MEGF8: variants seen among roughly 807,000 people sequenced by gnomAD.
The protein encoded by MEGF8 is multiple EGF like domains 8.
A neutral mutation model predicts 302.9 loss-of-function variants in MEGF8; 156 were observed. The ratio of observed to expected loss-of-function variants is 0.52; its 90% confidence interval spans 0.45 to 0.59. The LOEUF (loss-of-function observed/expected upper bound fraction) is 0.59, where lower values mean the gene tolerates loss of function less well. MEGF8 is among the 20% of genes least tolerant of loss of function. The pLI, the probability that MEGF8 is intolerant of heterozygous loss-of-function variation, is 0.00. For synonymous variants in MEGF8, 1,621 were observed against 1,660.5 expected, an observed-to-expected ratio of 0.98 and a Z score of 0.58; for missense variants, 3,345 against 3,964.5, an observed-to-expected ratio of 0.84 and a Z score of 4.20.
At chr19:42,355,559 G>C (rs1019987369) in intron 23 of MEGF8, among the ~76,000 whole-genome samples, 199 bp from the exon 24 acceptor site, 1 of 152,096 alleles carries the variant, frequency 6.6e-6, no homozygotes. Context: ...GCTAGCAGTC[G>C]GTGAGAGATT....
intron 32 of MEGF8, among the ~76,000 whole-genome samples, chr19:42,361,259 A>C (rs2039528125): frequency 6.6e-6 from 1 of 152,164 alleles, no homozygotes; most frequent in Non-Finnish European, 1.5e-5. Flanking sequence ...TGAGACCATC[A>C]GTGATTCAGA....
chr19:42,333,497 C>A, intron 1 of MEGF8, 108 bp from the exon 2 acceptor site: 1 of 1,257,174 alleles, frequency 8.0e-7, no homozygotes, highest in Non-Finnish European at 1.1e-6. Flanking sequence ...ATTCTTGAGC[C>A]CCCAGCATCA....
chr19:42,341,429 C>CAAAAAA (rs35096733), intron 8 of MEGF8, among the ~76,000 whole-genome samples: 1 of 56,988 alleles, frequency 1.8e-5, no homozygotes, highest in Non-Finnish European at 3.9e-5. Context: ...ACTCCATCTC[C>CAAAAAA]AAAAAAAAAA....
chr19:42,339,808 C>G lies in MEGF8; in HGVS notation c.1513+2602C>G, dbSNP rs570697820. On this transcript the variant is annotated intron_variant, in intron 8 of 41. Transcript: ENST00000251268. ...GTGCAGTGGCTCACACCTGTAATCC[C>G]AGCACTTTAGGACGCCATGGCGGGC... is the stretch of plus-strand genomic sequence containing the variant. Among the ~76,000 whole-genome samples the G allele has an allele frequency of 1.0e-3, 155 of 152,294 alleles. No homozygotes were observed. The South Asian group carries it at 0.011, about 10-fold the overall frequency.
chr19:42,355,712 C>A, intron 23 of MEGF8, 46 bp from the exon 24 acceptor site: 1 of 1,516,460 alleles, frequency 6.6e-7, no homozygotes. Context: ...GTGGAAGGGG[C>A]CAGGAACGTG....
At chr19:42,364,774 C>T (rs1346196629) in intron 35 of MEGF8, among the ~76,000 whole-genome samples, 5 of 152,226 alleles carry the variant, frequency 3.3e-5, no homozygotes, top group African/African-American at 2.4e-5. Flanking sequence ...GACTTCCCCT[C>T]TCCAAGACCT....
At chr19:42,363,605 T>C (rs749696805) in intron 35 of MEGF8, among the ~76,000 whole-genome samples, 10 of 152,242 alleles carry the variant, frequency 6.6e-5, no homozygotes, top group Admixed American at 3.9e-4. Flanking sequence ...TTTGTCGATA[T>C]AATTCATAGG....
chr19:42,358,225 T>C lies in MEGF8; in HGVS notation c.5093T>C (p.Leu1698Pro). ...VFGGFRFHVE[L>P]AAPSPELYSL... ...GGGGGGTTCCGATTCCATGTGGAGC[T>C]GGCGGCCCCATCCCCCGAGCTCTAC... The change falls in exon 29 of 42, where the codon CTG (leucine) becomes CCG (proline). Residue 1698 changes from leucine to proline, a missense_variant. By Grantham distance (98) the Leu-to-Pro change is moderately conservative. Coordinates refer to ENST00000251268, the MANE Select transcript of MEGF8 (RefSeq NM_001271938.2). This position sits in a 1 kb window ranked among gnomAD's most constrained non-coding sequence, Gnocchi z 4.4. 6.2e-7 allele frequency: 1 copy of C among 1,600,642 alleles called. No individual in the cohort carries two copies. The highest frequency in any genetic ancestry group is 8.5e-7 in the Non-Finnish European group (1 of 1,174,562).
In MEGF8 at chr19:42,336,570, A is replaced by G. The variant is rs768009695; in HGVS notation, c.1244+224A>G. ...TCTCTTGGTGAATTGCCTTCCACAC[A>G]CTCCCACCCATGTATCTATTCAACA... On this transcript the variant is annotated intron_variant, in intron 6 of 41. Transcript: ENST00000251268. This position sits in a 1 kb window ranked among gnomAD's most constrained non-coding sequence, Gnocchi z 4.8. Among the ~76,000 whole-genome samples the G allele has an allele frequency of 1.0e-4, 15 of 150,746 alleles. No homozygotes were observed. Among genetic ancestry groups the G allele is most frequent in the South Asian group, 2.1e-4 (1 of 4,730 alleles).
At chr19:42,364,505 G>A (rs1399736002) in intron 35 of MEGF8, among the ~76,000 whole-genome samples, 2 of 152,138 alleles carry the variant, frequency 1.3e-5, no homozygotes, top group Non-Finnish European at 2.9e-5. Context: ...CAGGGATGTG[G>A]GACACTTGCC....
rs563454126 is a variant in MEGF8, at chr19:42,376,851, G to A, written c.*76G>A. On this transcript the variant is annotated 3_prime_UTR_variant, in exon 42 of 42. Transcript: ENST00000251268. The surrounding 1 kb of genome is among the most constrained non-coding windows in gnomAD (Gnocchi z 8.2). ...CTGGACTTGGGGTCCCTCCACCTGGGGGCCCCTGGACACTGTCTACTTGGA... is the reference window on the plus strand; with the variant it reads ...CTGGACTTGGGGTCCCTCCACCTGGAGGCCCCTGGACACTGTCTACTTGGA... The A allele has an allele frequency of 4.2e-5, 59 of 1,401,850 alleles. No individual in the cohort carries two copies. In the African/African-American group the frequency reaches 7.9e-4, roughly 19 times the overall value. 86.8% of individuals were successfully genotyped at this position (1,401,850 alleles called of 1,614,324 possible).
chr19:42,334,059 C>T lies in MEGF8; in HGVS notation c.404C>T (p.Ala135Val), dbSNP rs1213749252. The change falls in exon 3 of 42, where the codon GCC becomes GTC. Residue 135 changes from alanine to valine, a missense_variant. Transcript: ENST00000251268. ...AACTACAACCTGCTGGGCTTTAACG[C>T]CTCATTCCGCTTCTCCCTGTGCCCG... The part of the protein sequence containing the change: ...DANYNLLGFN[A>V]SFRFSLCPGG... The T allele has an allele frequency of 1.2e-6, 2 of 1,613,750 alleles. No homozygotes were observed. Among genetic ancestry groups the T allele is most frequent in the Non-Finnish European group, 8.5e-7 (1 of 1,179,866 alleles).
chr19:42,345,781 T>A (rs1446300833), intron 12 of MEGF8, among the ~76,000 whole-genome samples: 7 of 152,244 alleles, frequency 4.6e-5, no homozygotes, highest in Non-Finnish European at 1.0e-4. Flanking sequence ...TGTTTGAACA[T>A]CTGTTTTCAA....
intron 31 of MEGF8, 68 bp from the exon 32 acceptor site, chr19:42,360,707 A>T (rs1166224216): frequency 1.3e-6 from 2 of 1,541,620 alleles, no homozygotes; most frequent in Admixed American, 2.0e-5. Context: ...TCTGACTGGC[A>T]TCATGGTGTG....
Position 42,359,220 on chromosome 19 carries a change from C to G in MEGF8, c.5466C>G (p.Ala1822=). The part of the protein sequence containing the change: ...DVLLYQVNCN[A]WLLPDLTRSA... The stretch of plus-strand genomic sequence containing the variant: ...TGCTCTACCAGGTCAACTGCAATGC[C>G]TGGCTTCTGCCCGACCTCACCCGTA... Residue 1822 remains alanine, a synonymous_variant, in exon 31 of 42, where the codon GCC becomes GCG. Transcript: ENST00000251268. 1 of 1,587,080 alleles carries G rather than the reference C, an allele frequency of 6.3e-7. No individual in the cohort carries two copies. Among genetic ancestry groups the G allele is most frequent in the Non-Finnish European group, 8.6e-7 (1 of 1,166,236 alleles).
chr19:42,352,592 C>A lies in MEGF8; in HGVS notation c.3350+136C>A. The A allele has an allele frequency of 1.8e-6, 2 of 1,136,388 alleles. No homozygotes were observed. Among genetic ancestry groups the A allele is most frequent in the Non-Finnish European group, 2.4e-6 (2 of 818,262 alleles). The allele number at this position is 1,136,388 out of a possible 1,614,324, so 70.4% of individuals were successfully genotyped here. On this transcript the variant is annotated intron_variant, in intron 19 of 41. Coordinates refer to ENST00000251268, the MANE Select transcript of MEGF8 (RefSeq NM_001271938.2). This position sits in a 1 kb window ranked among gnomAD's most constrained non-coding sequence, Gnocchi z 4.4. Reference sequence around the variant, plus strand: ...CAGTTAGCCAGGGGTTTTTACCTTGCACACTAGGTCCTTATTAGAGTGACA... The same window carrying A: ...CAGTTAGCCAGGGGTTTTTACCTTGAACACTAGGTCCTTATTAGAGTGACA...
intron 1 of MEGF8, among the ~76,000 whole-genome samples, chr19:42,328,388 G>T (rs753254695): frequency 6.6e-6 from 1 of 152,254 alleles, no homozygotes; most frequent in East Asian, 1.9e-4. Flanking sequence ...TGGGGGCTCT[G>T]GGGAGCTATG....
intron 35 of MEGF8, 149 bp downstream of exon 35, chr19:42,363,411 C>T: frequency 1.4e-6 from 1 of 717,770 alleles, no homozygotes; most frequent in Non-Finnish European, 2.3e-6. Context: ...CCTTCTCGTG[C>T]CACCATCTCT....
chr19:42,361,813 T>G (rs2039535364), intron 32 of MEGF8, among the ~76,000 whole-genome samples: 1 of 149,322 alleles, frequency 6.7e-6, no homozygotes. Context: ...GCTGCAGGGG[T>G]GGGGAGGAGG....
Sources: allele counts gnomAD v4.1 joint callset (sites outside exome capture counted in the v4.1 genomes callset), GRCh38; gene constraint gnomAD v4.1.1; non-coding constraint Gnocchi (gnomAD v3.1); transcripts MANE v1.5; gene names NCBI Gene and HGNC (gene_info 2026-07-23, HGNC 2026-07-21).